The following ZNF536 variants were observed in gnomAD, a reference collection of about 807,000 sequenced individuals.
ZNF536 encodes zinc finger protein 536.
A neutral mutation model predicts 84.5 loss-of-function variants in ZNF536; 13 were observed. That is an observed-to-expected ratio of 0.15 (90% CI 0.10 to 0.24). The LOEUF (loss-of-function observed/expected upper bound fraction) is 0.24, where lower values mean the gene tolerates loss of function less well. ZNF536 is among the 10% of genes least tolerant of loss of function. The pLI is 1.00. For synonymous variants in ZNF536, 811 were observed against 742.5 expected, an observed-to-expected ratio of 1.09 and a Z score of -1.50; for missense variants, 1,536 against 1,747.5, an observed-to-expected ratio of 0.88 and a Z score of 2.16.
chr19:30,446,248 C>CAAAAAAAAAAAAAAAAAAAAAAAAAA (rs1177505634), intron 2 of ZNF536, among the ~76,000 whole-genome samples: 5 of 29,178 alleles, frequency 1.7e-4, no homozygotes, highest in Admixed American at 5.9e-4. Flanking sequence ...GACACTGTCT[C>CAAAAAAAAAAAAAAAAAAAAAAAAAA]AAAAAAAAAA....
intron 1 of ZNF536, among the ~76,000 whole-genome samples, chr19:30,417,146 GTATT>G (rs2050765502): frequency 1.2e-5 from 1 of 85,196 alleles, no homozygotes; most frequent in Non-Finnish European, 2.2e-5. Flanking sequence ...GCTAATTTTT[GTATT>G]TTTTTTTTTT....
intron 2 of ZNF536, among the ~76,000 whole-genome samples, chr19:30,288,773 C>A (rs1196734860): frequency 6.6e-6 from 1 of 152,178 alleles, no homozygotes; most frequent in African/African-American, 2.4e-5. Context: ...TAAAACACTG[C>A]CTGGTTCAAA....
intron 1 of ZNF536, among the ~76,000 whole-genome samples, chr19:30,261,937 G>C (rs2025248502): frequency 6.6e-6 from 1 of 152,060 alleles, no homozygotes; most frequent in African/African-American, 2.4e-5. Flanking sequence ...ATCCTGGTGA[G>C]TGTTTTATTG....
At chr19:30,677,956 C>T (rs1410817631) in intron 1 of ZNF536, among the ~76,000 whole-genome samples, 4 of 152,134 alleles carry the variant, frequency 2.6e-5, no homozygotes, top group African/African-American at 4.8e-5. Context: ...CCTGAGCCAC[C>T]GAACTTCCTT....
chr19:30,507,087 C>A (rs927893159), intron 2 of ZNF536, among the ~76,000 whole-genome samples: 1 of 152,148 alleles, frequency 6.6e-6, no homozygotes, highest in African/African-American at 2.4e-5. Flanking sequence ...CCTGGCTGGG[C>A]GTGGTGGCTC....
rs902173477 is a variant in ZNF536, at chr19:30,448,824, G to A, written c.2170+3092G>A. On this transcript the variant is annotated intron_variant, in intron 2 of 4. Transcript: ENST00000355537. ...TTCTTTGCAAAGAAGGATTGGGAAC[G>A]GAGTGGCTGTTTAAAAATGTCTTGC... Among the ~76,000 whole-genome samples, 4 of 152,170 alleles carry A rather than the reference G, an allele frequency of 2.6e-5. No homozygotes were observed. In the South Asian group the frequency reaches 6.2e-4, roughly 24 times the overall value.
chr19:30,370,942 T>G (rs966008503), upstream of ZNF536, among the ~76,000 whole-genome samples: 5 of 152,232 alleles, frequency 3.3e-5, no homozygotes, highest in Non-Finnish European at 7.4e-5. Context: ...AGTTATTGTT[T>G]GCAGCACTCC....
intron 4 of ZNF536, among the ~76,000 whole-genome samples, chr19:30,550,514 A>G (rs1010949068): frequency 1.3e-5 from 2 of 152,158 alleles, no homozygotes; most frequent in Middle Eastern, 3.4e-3. Context: ...ACTGTAATTT[A>G]TGAATGGATT....
Position 30,674,500 on chromosome 19 carries a change from T to C in ZNF536, c.170-36257T>C, listed in dbSNP as rs577033077. On this transcript the variant is annotated intron_variant, in intron 1 of 1. Transcript: ENST00000592773. ...AGGGCATCCAGGTTTACTTGACATGTGACTGATGGAGTATTGGGAAGGGAA... is the reference window on the plus strand; with the variant it reads ...AGGGCATCCAGGTTTACTTGACATGCGACTGATGGAGTATTGGGAAGGGAA... Among the ~76,000 whole-genome samples, 291 of 152,360 alleles carry C rather than the reference T, an allele frequency of 1.9e-3. 2 individuals carry two copies. Among genetic ancestry groups the C allele is most frequent in the African/African-American group, 6.5e-3 (270 of 41,590 alleles).
At chr19:30,280,509 C>T (rs1048204464) in intron 1 of ZNF536, among the ~76,000 whole-genome samples, 3 of 152,190 alleles carry the variant, frequency 2.0e-5, no homozygotes, top group East Asian at 1.9e-4. Context: ...TGCATGTGCC[C>T]GGGGTTTGCT....
At chr19:30,305,340 G>T (rs1010409032) in intron 2 of ZNF536, among the ~76,000 whole-genome samples, 2 of 152,162 alleles carry the variant, frequency 1.3e-5, no homozygotes, top group African/African-American at 4.8e-5. Context: ...TTCCTGACTG[G>T]CTCAGTTTCC....
At chr19:30,606,217 T>TAAAATA (rs1174265042) in intron 1 of ZNF536, among the ~76,000 whole-genome samples, 2 of 56,414 alleles carry the variant, frequency 3.5e-5, no homozygotes, top group Admixed American at 1.7e-4. Context: ...TAAAATAAAA[T>TAAAATA]ATAAAATAAA....
At chr19:30,503,699 C>A (rs1201336636) in intron 2 of ZNF536, among the ~76,000 whole-genome samples, 1 of 152,190 alleles carries the variant, frequency 6.6e-6, no homozygotes, top group Non-Finnish European at 1.5e-5. Flanking sequence ...TGGGGTCAAG[C>A]CCTCGTGGGA....
chr19:30,252,274 T>C (rs1409259767), intron 1 of ZNF536, among the ~76,000 whole-genome samples: 2 of 152,118 alleles, frequency 1.3e-5, no homozygotes, highest in Non-Finnish European at 2.9e-5. Context: ...AGAATGACCA[T>C]AATAAAAAAA....
intron 1 of ZNF536, among the ~76,000 whole-genome samples, chr19:30,252,407 G>A (rs950778700): frequency 9.2e-5 from 14 of 152,154 alleles, no homozygotes; most frequent in African/African-American, 3.4e-4. Flanking sequence ...TGGTGCCTCC[G>A]GGGGAGCTGG....
intron 2 of ZNF536, among the ~76,000 whole-genome samples, chr19:30,467,085 G>T (rs550447513): frequency 2.0e-5 from 3 of 152,048 alleles, no homozygotes; most frequent in African/African-American, 7.2e-5. Context: ...GTGATCCTCC[G>T]CCTCTGCCTC....
intron 1 of ZNF536, among the ~76,000 whole-genome samples, chr19:30,626,228 T>C (rs753630128): frequency 1.3e-5 from 2 of 152,228 alleles, no homozygotes; most frequent in Non-Finnish European, 2.9e-5. Context: ...TATGAGGGGA[T>C]AAATCCCACG....
chr19:30,623,202 GC>G (rs2048554997), intron 1 of ZNF536, among the ~76,000 whole-genome samples: 1 of 151,976 alleles, frequency 6.6e-6, no homozygotes, highest in Non-Finnish European at 1.5e-5. Context: ...AGAAAGAATA[GC>G]CTTTGCCATC....
chr19:30,443,691 C>A lies in ZNF536; in HGVS notation c.129C>A (p.Leu43=), dbSNP rs1184885708. 6.2e-6 allele frequency: 10 copies of A among 1,613,784 alleles called. No individual in the cohort carries two copies. Among genetic ancestry groups the A allele is most frequent in the Non-Finnish European group, 8.5e-6 (10 of 1,179,986 alleles). Residue 43 remains leucine (L), a synonymous_variant, in exon 2 of 5, where the codon CTC becomes CTA. Transcript: ENST00000355537. ...AGCTGCACCAGATCACCTCCCAGCTCAGCCATGCCTTCCCCGAGCTCCATC... is the reference window on the plus strand; with the variant it reads ...AGCTGCACCAGATCACCTCCCAGCTAAGCCATGCCTTCCCCGAGCTCCATC... The part of the protein sequence containing the change: ...SQKLHQITSQ[L]SHAFPELHPR...
Sources: allele counts gnomAD v4.1 joint callset (sites outside exome capture counted in the v4.1 genomes callset), GRCh38; gene constraint gnomAD v4.1.1; transcripts MANE v1.5; gene names NCBI Gene and HGNC (gene_info 2026-07-23, HGNC 2026-07-21).